Variants in MAPK4 observed in about 807,000 individuals in gnomAD.
MAPK4 encodes the protein mitogen-activated protein kinase 4, also known as Erk3-related.
Under a neutral mutation model 47.7 loss-of-function variants are expected in MAPK4, and 22 were observed. The observed-to-expected ratio is 0.46, with a 90% CI of 0.33 to 0.66. MAPK4 has a LOEUF of 0.66. Among genes scored for constraint, MAPK4 ranks in the 30% least tolerant of loss-of-function variants. The pLI, the probability that MAPK4 is intolerant of heterozygous loss-of-function variation, is 0.02. For missense variants in MAPK4, 736 were observed against 831.7 expected (o/e 0.88, Z 1.42); for synonymous variants, 390 against 365.7 (o/e 1.07, Z -0.76).
intron 5 of MAPK4, 76 bp from the exon 6 acceptor site, chr18:50,729,082 G>C (rs1911364456): frequency 7.7e-7 from 1 of 1,291,482 alleles, no homozygotes; most frequent in Admixed American, 2.2e-5. Flanking sequence ...GGCAAACAGG[G>C]ATTAGAGGGC....
At chr18:50,670,898 C>T (rs1428040576) in intron 2 of MAPK4, among the ~76,000 whole-genome samples, 2 of 152,182 alleles carry the variant, frequency 1.3e-5, no homozygotes, top group East Asian at 3.8e-4. Context: ...GGGTGAGGCC[C>T]AGCAATCTGT....
intron 2 of MAPK4, among the ~76,000 whole-genome samples, chr18:50,689,238 A>T (rs1182672037): frequency 6.7e-6 from 1 of 148,968 alleles, no homozygotes; most frequent in Non-Finnish European, 1.5e-5. Flanking sequence ...TCTACTAAAA[A>T]TATAAAAAAT....
chr18:50,618,382 C>A (rs1325447350), intron 1 of MAPK4, among the ~76,000 whole-genome samples: 1 of 152,040 alleles, frequency 6.6e-6, no homozygotes, highest in African/African-American at 2.4e-5. Flanking sequence ...TACTTGATAC[C>A]CCCAAATAAT....
chr18:50,647,861 C>G (rs554752623), intron 1 of MAPK4, among the ~76,000 whole-genome samples: 1 of 152,240 alleles, frequency 6.6e-6, no homozygotes, highest in East Asian at 1.9e-4. Flanking sequence ...CCCAGCAAAT[C>G]CCACCCTTCA....
chr18:50,561,414 T>A (rs1049033778), intron 1 of MAPK4, among the ~76,000 whole-genome samples: 10 of 152,208 alleles, frequency 6.6e-5, no homozygotes, highest in African/African-American at 2.4e-4. Flanking sequence ...TGCAGACTTT[T>A]CAATTGAATG....
intron 2 of MAPK4, among the ~76,000 whole-genome samples, chr18:50,692,518 GCTCAGTTTTCTGAC>G (rs1189461997): frequency 1.3e-5 from 2 of 152,140 alleles, no homozygotes; most frequent in Non-Finnish European, 2.9e-5. Context: ...CCCTCTCTAA[GCTCAGTTTTCTGAC>G]CTATAAAAAG....
At position 50,715,110 on chromosome 18, in the gene MAPK4, G is replaced by A; in HGVS notation, c.578G>A (p.Trp193Ter). ...GYLSEGLVTK[W>*]YRSPRLLLSP... The stretch of plus-strand genomic sequence containing the variant: ...CTGTCAGAAGGGTTGGTAACAAAGT[G>A]GTACCGTTCCCCACGACTGCTCCTT... The change falls in exon 3 of 6, where the codon TGG (tryptophan) becomes TAG (stop). Residue 193 changes from tryptophan (W) to a stop codon, truncating the protein, a stop_gained. Coordinates refer to ENST00000400384, the MANE Select transcript of MAPK4 (RefSeq NM_002747.4). LOFTEE classifies it high-confidence loss of function. 6.2e-7 allele frequency: 1 copy of A among 1,614,094 alleles called. No homozygotes were observed. Among genetic ancestry groups the A allele is most frequent in the Non-Finnish European group, 8.5e-7 (1 of 1,180,020 alleles).
intron 2 of MAPK4, among the ~76,000 whole-genome samples, chr18:50,696,697 GC>G (rs1046631523): frequency 4.6e-5 from 7 of 152,236 alleles, no homozygotes; most frequent in Non-Finnish European, 8.8e-5. Context: ...TGCAGGAACT[GC>G]CCTTTTTAAC....
intron 1 of MAPK4, among the ~76,000 whole-genome samples, chr18:50,598,573 G>A (rs2042506156): frequency 1.3e-5 from 2 of 152,168 alleles, no homozygotes; most frequent in South Asian, 4.1e-4. Context: ...GATAGCTTTG[G>A]TTTAAAACAT....
At chr18:50,588,286 C>T (rs964772745) in intron 1 of MAPK4, among the ~76,000 whole-genome samples, 1 of 152,158 alleles carries the variant, frequency 6.6e-6, no homozygotes, top group Non-Finnish European at 1.5e-5. Context: ...ACCGAGAAGG[C>T]TTTGCTGTCA....
At chr18:50,571,519 T>C (rs994657227) in intron 1 of MAPK4, among the ~76,000 whole-genome samples, 1 of 152,208 alleles carries the variant, frequency 6.6e-6, no homozygotes, top group Non-Finnish European at 1.5e-5. Context: ...ATTTGAAAAC[T>C]TTCAGCCTGA....
intron 2 of MAPK4, among the ~76,000 whole-genome samples, chr18:50,667,682 G>T (rs1230045969): frequency 6.6e-6 from 1 of 152,192 alleles, no homozygotes; most frequent in Non-Finnish European, 1.5e-5. Flanking sequence ...CAGGGCCAGC[G>T]ATAGGCTTAG....
chr18:50,594,662 A>G (rs1401194362), intron 1 of MAPK4, among the ~76,000 whole-genome samples: 1 of 152,202 alleles, frequency 6.6e-6, no homozygotes, highest in East Asian at 1.9e-4. Context: ...AAAGCAGAAT[A>G]TTTTTAAGAT....
At chr18:50,705,700 G>A (rs1910012863) in intron 2 of MAPK4, 1 of 152,110 alleles carries the variant, frequency 6.6e-6, no homozygotes, top group African/African-American at 2.4e-5. Context: ...GGAGGCCTGG[G>A]GCTCAGAGAC....
intron 1 of MAPK4, among the ~76,000 whole-genome samples, chr18:50,637,789 C>T (rs2042900747): frequency 6.6e-6 from 1 of 152,232 alleles, no homozygotes; most frequent in Non-Finnish European, 1.5e-5. Context: ...TGGCCACCTT[C>T]TCACTGCGTC....
At chr18:50,633,002 C>A (rs1025430228) in intron 1 of MAPK4, among the ~76,000 whole-genome samples, 7 of 130,832 alleles carry the variant, frequency 5.4e-5, no homozygotes, top group African/African-American at 2.1e-4. Flanking sequence ...TTAATTGTCT[C>A]TTGGACTGAT....
intron 2 of MAPK4, among the ~76,000 whole-genome samples, chr18:50,666,611 A>G (rs1293748093): frequency 6.6e-6 from 1 of 152,120 alleles, no homozygotes; most frequent in Non-Finnish European, 1.5e-5. Context: ...CCTGGTTGAG[A>G]CTTTCATTTT....
intron 1 of MAPK4, among the ~76,000 whole-genome samples, chr18:50,613,881 TA>T (rs1425945145): frequency 6.6e-6 from 1 of 152,194 alleles, no homozygotes; most frequent in Non-Finnish European, 1.5e-5. Flanking sequence ...AGAGAGACCC[TA>T]AATCAGCCCC....
chr18:50,677,503 G>C (rs1908340606), intron 2 of MAPK4, among the ~76,000 whole-genome samples: 1 of 152,040 alleles, frequency 6.6e-6, no homozygotes, highest in Non-Finnish European at 1.5e-5. Flanking sequence ...CACGGACAGG[G>C]ACCCTCAACT....
Sources: allele counts gnomAD v4.1 joint callset (sites outside exome capture counted in the v4.1 genomes callset), GRCh38; gene constraint gnomAD v4.1.1; transcripts MANE v1.5; gene names NCBI Gene and HGNC (gene_info 2026-07-23, HGNC 2026-07-21).